Variants in NLRP6 observed in about 807,000 individuals in gnomAD.
The protein encoded by NLRP6 is NLR family pyrin domain containing 6.
In NLRP6, 55 loss-of-function variants were observed where a neutral mutation model predicts 70.9. That is an observed-to-expected ratio of 0.78 (90% CI 0.62 to 0.97). NLRP6 has a LOEUF of 0.97. Among genes scored for constraint, NLRP6 ranks in the 50% least tolerant of loss-of-function variants. NLRP6 has a pLI of 0.00. For missense variants in NLRP6, 1,241 were observed against 1,238.3 expected, an observed-to-expected ratio of 1.00 and a Z score of -0.03; for synonymous variants, 652 against 581.9, an observed-to-expected ratio of 1.12 and a Z score of -1.73.
In NLRP6 at chr11:281,495, C is replaced by A; in HGVS notation, c.1761C>A (p.Pro587=). The change falls in exon 4 of 8, where the codon CCC becomes CCA. Residue 587 remains proline, a synonymous_variant. Transcript: ENST00000534750. ...TGCAGGGACAGGGACAGGGCTGCCC[C>A]GGAGTGGCACCAGAGGTGACCGAGG... ...RWVQGQGQGC[P]GVAPEVTEGA... is the part of the protein sequence containing the mutation. The A allele has an allele frequency of 6.3e-7, 1 of 1,598,312 alleles. No homozygotes were observed. The highest frequency in any genetic ancestry group is 8.5e-7 in the Non-Finnish European group (1 of 1,170,844).
chr11:279,752 G>C, intron 2 of NLRP6, 82 bp from the exon 3 acceptor site: 1 of 1,435,108 alleles, frequency 7.0e-7, no homozygotes, highest in Non-Finnish European at 9.3e-7. Context: ...GACCCTGCGT[G>C]CTCCTCAGGG....
Position 280,618 on chromosome 11 carries a change from G to C in NLRP6, c.884G>C (p.Cys295Ser). ...PALGGPEAAPCTDPFEAASGA... is the reference protein window; with the variant it reads ...PALGGPEAAPSTDPFEAASGA... Reference sequence around the variant, plus strand: ...CTGGGGGGCCCCGAGGCCGCGCCCTGCACAGACCCCTTCGAGGCGGCGAGC... The same window carrying C: ...CTGGGGGGCCCCGAGGCCGCGCCCTCCACAGACCCCTTCGAGGCGGCGAGC... The change falls in exon 4 of 8, where the codon TGC becomes TCC. Residue 295 changes from cysteine (C) to serine (S), a missense_variant. Transcript: ENST00000534750. 1.3e-6 allele frequency: 2 copies of C among 1,494,962 alleles called. No individual in the cohort carries two copies. The highest frequency in any genetic ancestry group is 8.8e-7 in the Non-Finnish European group (1 of 1,132,100). The allele number at this position is 1,494,962 out of a possible 1,614,324, so 92.6% of individuals were successfully genotyped here. A position where few individuals can be genotyped will look rare whatever the true frequency, so the allele number is the denominator to read the frequency against.
Position 280,459 on chromosome 11 carries a change from A to G in NLRP6, c.725A>G (p.Glu242Gly). The G allele has an allele frequency of 6.3e-7, 1 of 1,592,662 alleles. No homozygotes were observed. Among genetic ancestry groups the G allele is most frequent in the Non-Finnish European group, 8.5e-7 (1 of 1,177,782 alleles). ...AFFMPCGELLERPGTRSLADL... is the reference protein window; with the variant it reads ...AFFMPCGELLGRPGTRSLADL... ...TTCATGCCCTGCGGCGAGCTGCTGG[A>G]GAGGCCGGGCACGCGCAGCCTGGCT... is the stretch of plus-strand genomic sequence containing the variant. The change falls in exon 4 of 8, where the codon GAG becomes GGG. Residue 242 changes from glutamate (E) to glycine (G), a missense_variant. By Grantham distance (98) the Glu-to-Gly change is moderately conservative (BLOSUM62 -2). Coordinates refer to ENST00000534750, the MANE Select transcript of NLRP6 (RefSeq NM_001276700.2).
In NLRP6 at chr11:281,590, T is replaced by A; in HGVS notation, c.1856T>A (p.Leu619Gln). The A allele has an allele frequency of 1.2e-6, 2 of 1,611,440 alleles. No individual in the cohort carries two copies. Among genetic ancestry groups the A allele is most frequent in the Non-Finnish European group, 8.5e-7 (1 of 1,178,826 alleles). ...EEEGEEPNYP[L>Q]ELLYCLYETQ... ...GAGGGAGAGGAGCCCAACTACCCAC[T>A]GGAGTTGCTGTACTGCCTGTACGAG... Residue 619 changes from leucine (L) to glutamine (Q), a missense_variant, in exon 4 of 8, where the codon CTG (leucine) becomes CAG (glutamine). Coordinates refer to ENST00000534750, the MANE Select transcript of NLRP6 (RefSeq NM_001276700.2).
rs745478774 is a variant in NLRP6, at chr11:284,464, C to T, written c.2370-11C>T. On this transcript the variant is annotated splice_polypyrimidine_tract_variant and intron_variant, in intron 6 of 7. Coordinates refer to ENST00000534750, the MANE Select transcript of NLRP6 (RefSeq NM_001276700.2). Reference sequence around the variant, plus strand: ...CCACCCCAGCAGCTCCTGAGGTCGGCCCTCCCACAGGGTACAGCTGCCTGA... The same window carrying T: ...CCACCCCAGCAGCTCCTGAGGTCGGTCCTCCCACAGGGTACAGCTGCCTGA... 33 of 1,609,446 alleles carry T rather than the reference C, an allele frequency of 2.1e-5. No individual in the cohort carries two copies. The East Asian group carries it at 6.5e-4, about 32-fold the overall frequency.
intron 3 of NLRP6, 48 bp from the exon 4 acceptor site, chr11:280,036 T>G (rs1845444186): frequency 2.1e-6 from 3 of 1,438,124 alleles, no homozygotes; most frequent in Admixed American, 5.8e-5. Context: ...GGGCGCAGCC[T>G]GCCCCACCTC....
rs1305004064 is a variant in NLRP6 at position 278,628 on chromosome 11, G to A, written c.29+30G>A. ...GTGCTGGCCCCAGGGTGGTCACTGG[G>A]AACCGGCTGGTCTCAGCCCTCTGGG... On this transcript the variant is annotated intron_variant, in intron 1 of 7. Coordinates refer to ENST00000534750, the MANE Select transcript of NLRP6 (RefSeq NM_001276700.2). This position sits in a 1 kb window ranked among gnomAD's most constrained non-coding sequence, Gnocchi z 4.7. 1 of 1,567,270 alleles carries A rather than the reference G, an allele frequency of 6.4e-7. No individual in the cohort carries two copies. Among genetic ancestry groups the A allele is most frequent in the African/African-American group, 1.4e-5 (1 of 72,342 alleles).
At chr11:284,092 G>A (rs12290841) in intron 5 of NLRP6, 138 bp from the exon 6 acceptor site, 208 of 723,736 alleles carry the variant, frequency 2.9e-4, no homozygotes, top group Middle Eastern at 8.4e-4. Context: ...CAGGCTCTGC[G>A]AGGTCCAGGG....
chr11:281,393 G>A lies in NLRP6; in HGVS notation c.1659G>A (p.Ala553=), dbSNP rs774312310. 23 of 1,609,434 alleles carry A rather than the reference G, an allele frequency of 1.4e-5. No individual in the cohort carries two copies. The highest frequency in any genetic ancestry group is 1.8e-5 in the Non-Finnish European group (21 of 1,178,554). ...TTRFLFGLLS[A]ERMRDIERHF... is the part of the protein sequence containing the mutation. Reference sequence around the variant, plus strand: ...GCTTCCTCTTCGGACTGCTGAGCGCGGAGCGGATGCGCGACATCGAGCGCC... The same window carrying A: ...GCTTCCTCTTCGGACTGCTGAGCGCAGAGCGGATGCGCGACATCGAGCGCC... The change falls in exon 4 of 8, where the codon GCG becomes GCA. Residue 553 remains alanine (A), a synonymous_variant. Coordinates refer to ENST00000534750, the MANE Select transcript of NLRP6 (RefSeq NM_001276700.2).
chr11:279,271 C>CG, intron 1 of NLRP6, 56 bp from the exon 2 acceptor site: 2 of 693,314 alleles, frequency 2.9e-6, no homozygotes, highest in East Asian at 6.3e-5. Context: ...GAGTCGGGGG[C>CG]GGGCGGGGGT....
rs1432538911 is a variant in NLRP6, at chr11:281,588, A to G, written c.1854A>G (p.Pro618=). 2.5e-6 allele frequency: 4 copies of G among 1,611,356 alleles called. No individual in the cohort carries two copies. Among genetic ancestry groups the G allele is most frequent in the South Asian group, 1.1e-5 (1 of 90,788 alleles). Residue 618 remains proline, a synonymous_variant, in exon 4 of 8, where the codon CCA becomes CCG. Transcript: ENST00000534750. Reference sequence around the variant, plus strand: ...AGGAGGGAGAGGAGCCCAACTACCCACTGGAGTTGCTGTACTGCCTGTACG... The same window carrying G: ...AGGAGGGAGAGGAGCCCAACTACCCGCTGGAGTTGCTGTACTGCCTGTACG... ...EEEEGEEPNY[P]LELLYCLYET...
rs1036100877 is a variant in NLRP6 at position 279,342 on chromosome 11, C to T, written c.45C>T (p.Leu15=). The T allele has an allele frequency of 1.5e-6, 2 of 1,290,678 alleles. No homozygotes were observed. Among genetic ancestry groups the T allele is most frequent in the South Asian group, 2.3e-5 (1 of 43,302 alleles). The allele number at this position is 1,290,678 out of a possible 1,614,324, so 80.0% of individuals were successfully genotyped here. A position where few individuals can be genotyped will look rare whatever the true frequency, so the allele number is the denominator to read the frequency against. ...CCGCCTCCAGCACGGGGCCGCGCCT[C>T]GCGGTGGCCCGCGAGCTGCTCCTGG... ...EAPCSSTGPR[L]AVARELLLAA... is the part of the protein sequence containing the mutation. Residue 15 remains leucine, a synonymous_variant, in exon 2 of 8, where the codon CTC becomes CTT. Transcript: ENST00000534750.
chr11:280,763 C>T lies in NLRP6; in HGVS notation c.1029C>T (p.Cys343=). ...AGGGCCGCCTGTGTTCCCCGCAGTG[C>T]GCCGAGGTGCGCGGCTTCTCCGACA... ...RLQGRLCSPQ[C]AEVRGFSDKD... Residue 343 remains cysteine (C), a synonymous_variant, in exon 4 of 8, where the codon TGC becomes TGT. Transcript: ENST00000534750. 6.2e-7 allele frequency: 1 copy of T among 1,609,516 alleles called. No individual in the cohort carries two copies. The highest frequency in any genetic ancestry group is 8.5e-7 in the Non-Finnish European group (1 of 1,177,948).
intron 5 of NLRP6, among the ~76,000 whole-genome samples, chr11:283,475 G>C (rs554474511): frequency 6.6e-6 from 1 of 152,052 alleles, no homozygotes; most frequent in Non-Finnish European, 1.5e-5. Flanking sequence ...CACTACGCCC[G>C]GCTAATTGTT....
intron 2 of NLRP6, 51 bp downstream of exon 2, chr11:279,658 C>A: frequency 7.3e-7 from 1 of 1,372,382 alleles, no homozygotes; most frequent in South Asian, 1.6e-5. Context: ...CTGGGCTGCC[C>A]TCCTTCCCGC....
rs2134007174 is a variant in NLRP6 at position 280,108 on chromosome 11, A to T, written c.374A>T (p.His125Leu). The T allele has an allele frequency of 6.6e-7, 1 of 1,524,116 alleles. No individual in the cohort carries two copies. The highest frequency in any genetic ancestry group is 1.2e-5 in the South Asian group (1 of 81,016). 94.4% of individuals were successfully genotyped at this position (1,524,116 alleles called of 1,614,324 possible). The change falls in exon 4 of 8, where the codon CAC (histidine) becomes CTC (leucine). Residue 125 changes from histidine (H) to leucine (L), a missense_variant. By Grantham distance (99) the His-to-Leu change is moderately conservative. Coordinates refer to ENST00000534750, the MANE Select transcript of NLRP6 (RefSeq NM_001276700.2). ...GAGTACAAGAAGAAGTACCGGGAGC[A>T]CGTGCTGCAGCTGCACGCTCGGGTG... Reference protein sequence around the residue: ...VSEYKKKYREHVLQLHARVKE... With the variant: ...VSEYKKKYRELVLQLHARVKE...
intron 5 of NLRP6, 37 bp from the exon 6 acceptor site, chr11:284,193 G>A (rs202161776): frequency 2.5e-6 from 4 of 1,602,084 alleles, no homozygotes; most frequent in East Asian, 2.2e-5. Flanking sequence ...GGTGGCTGAG[G>A]CGCCTGCAGG....
In NLRP6 at chr11:279,330, G is replaced by C. The variant is rs776203874; in HGVS notation, c.33G>C (p.Thr11=). 26 of 1,207,712 alleles carry C rather than the reference G, an allele frequency of 2.2e-5. No individual in the cohort carries two copies. Among genetic ancestry groups the C allele is most frequent in the African/African-American group, 8.0e-5 (5 of 62,414 alleles). The allele number at this position is 1,207,712 out of a possible 1,614,324, so 74.8% of individuals were successfully genotyped here. A position where few individuals can be genotyped will look rare whatever the true frequency, so the allele number is the denominator to read the frequency against. The part of the protein sequence containing the change: MDQPEAPCSS[T]GPRLAVAREL... ...ACCCGCGCCCGCCCGCCTCCAGCAC[G>C]GGGCCGCGCCTCGCGGTGGCCCGCG... The change falls in exon 2 of 8, where the codon ACG becomes ACC. Residue 11 remains threonine (T), a synonymous_variant. Transcript: ENST00000534750.
At position 281,831 on chromosome 11, in the gene NLRP6, T is replaced by G; in HGVS notation, c.2097T>G (p.Gly699=). Residue 699 remains glycine (G), a synonymous_variant, in exon 4 of 8, where the codon GGT becomes GGG. Coordinates refer to ENST00000534750, the MANE Select transcript of NLRP6 (RefSeq NM_001276700.2). ...GGAAGCGGCTCCAGGCCAGCCTGGGTGGCGGCAGGTGCGTCTCCAGGGCAG... is the reference window on the plus strand; with the variant it reads ...GGAAGCGGCTCCAGGCCAGCCTGGGGGGCGGCAGGTGCGTCTCCAGGGCAG... The part of the protein sequence containing the change: ...SLGKRLQASL[G]GGSSQGTTKQ... 1 of 1,574,372 alleles carries G rather than the reference T, an allele frequency of 6.4e-7. No individual in the cohort carries two copies. Among genetic ancestry groups the G allele is most frequent in the Non-Finnish European group, 8.6e-7 (1 of 1,164,774 alleles).
Sources: gnomAD v4.1 joint callset for allele counts (sites outside exome capture counted in the v4.1 genomes callset) on GRCh38, gnomAD v4.1.1 for gene constraint, Gnocchi (gnomAD v3.1) non-coding constraint, MANE v1.5 for transcripts, NCBI Gene and HGNC (gene_info 2026-07-23, HGNC 2026-07-21) for gene names.